The following NPNT variants were observed in gnomAD, a reference collection of about 807,000 sequenced individuals.
The protein encoded by NPNT is preosteoblast EGF-like repeat protein with MAM domain.
Under a neutral mutation model 68.6 loss-of-function variants are expected in NPNT, and 45 were observed. That is an observed-to-expected ratio of 0.66 (90% CI 0.52 to 0.84). The LOEUF is 0.84. Among genes scored for constraint, NPNT ranks in the 40% least tolerant of loss-of-function variants. NPNT has a pLI of 0.00. For synonymous variants in NPNT, 233 were observed against 253.3 expected (o/e 0.92, Z 0.76); for missense variants, 672 against 714.8 (o/e 0.94, Z 0.68).
intron 10 of NPNT, among the ~76,000 whole-genome samples, chr4:105,964,323 C>T (rs1731954810): frequency 6.6e-6 from 1 of 152,152 alleles, no homozygotes; most frequent in South Asian, 2.1e-4. Context: ...TGTTTCAAGA[C>T]TTTAGGTAGT....
chr4:105,970,111 T>C lies in NPNT; in HGVS notation c.*1121T>C, dbSNP rs1196262551. The C allele has an allele frequency of 1.6e-5, 6 of 365,520 alleles. No individual in the cohort carries two copies. The highest frequency in any genetic ancestry group is 3.0e-5 in the Non-Finnish European group (6 of 200,258). 22.6% of individuals were successfully genotyped at this position (365,520 alleles called of 1,614,324 possible). On this transcript the variant is annotated 3_prime_UTR_variant, in exon 12 of 12. Coordinates refer to ENST00000379987, the MANE Select transcript of NPNT (RefSeq NM_001033047.3). ...TGATATAAGTTTAGGCAGTTGTAGT[T>C]CATAACTTATGTTGCTCATGTTGTG...
intron 8 of NPNT, among the ~76,000 whole-genome samples, chr4:105,946,156 A>G (rs1163000408): frequency 2.0e-5 from 3 of 152,212 alleles, no homozygotes; most frequent in Non-Finnish European, 2.9e-5. Context: ...CCTTAAAACA[A>G]TGTTTCCTGT....
chr4:105,967,235 G>C lies in NPNT; in HGVS notation c.1393G>C (p.Ala465Pro), dbSNP rs772407127. The C allele has an allele frequency of 1.9e-5, 30 of 1,613,878 alleles. No individual in the cohort carries two copies. The highest frequency in any genetic ancestry group is 2.3e-5 in the Non-Finnish European group (27 of 1,180,006). The change falls in exon 11 of 12, where the codon GCT (alanine) becomes CCT (proline). Residue 465 changes from alanine (A) to proline (P), a missense_variant. By Grantham distance (27) the Ala-to-Pro change is conservative. Transcript: ENST00000379987. ...VSAAKAPGGKAARLVLPLGRL... is the reference protein window; with the variant it reads ...VSAAKAPGGKPARLVLPLGRL... ...GGCAGCCAAAGCCCCAGGGGGAAAA[G>C]CTGCACGCTTGGTGCTACCTCTCGG...
At chr4:105,957,550 T>C (rs1731335636) in intron 8 of NPNT, among the ~76,000 whole-genome samples, 1 of 152,198 alleles carries the variant, frequency 6.6e-6, no homozygotes, top group Admixed American at 6.5e-5. Context: ...TAAACACTTA[T>C]TGAGTGCCTG....
At chr4:105,960,924 A>G (rs1190350085) in intron 10 of NPNT, among the ~76,000 whole-genome samples, 1 of 152,216 alleles carries the variant, frequency 6.6e-6, no homozygotes, top group Non-Finnish European at 1.5e-5. Flanking sequence ...TTTGAAAACC[A>G]TCCCCAACAG....
chr4:105,961,075 T>C (rs1467443857), intron 10 of NPNT, among the ~76,000 whole-genome samples: 1 of 152,240 alleles, frequency 6.6e-6, no homozygotes, highest in Admixed American at 6.5e-5. Context: ...ATATTGTCTT[T>C]ATTTCACAAA....
intron 1 of NPNT, among the ~76,000 whole-genome samples, chr4:105,897,263 C>A (rs926497917): frequency 3.3e-5 from 5 of 152,184 alleles, no homozygotes; most frequent in African/African-American, 4.8e-5. Context: ...GATCTAAGCA[C>A]GTTTCAAACC....
chr4:105,940,623 A>T lies in NPNT; in HGVS notation c.750A>T (p.Gly250=). Residue 250 remains glycine (G), a synonymous_variant, in exon 7 of 12, where the codon GGA becomes GGT. Coordinates refer to ENST00000379987, the MANE Select transcript of NPNT (RefSeq NM_001033047.3). ...GTAAAGAAGGATACCAGGGTGATGG[A>T]CTGACTTGTGTGTGTGAGTAGCACT... ...CKCKEGYQGD[G]LTCVYIPKVM... The T allele has an allele frequency of 1.2e-6, 2 of 1,613,374 alleles. No individual in the cohort carries two copies. Among genetic ancestry groups the T allele is most frequent in the Admixed American group, 3.3e-5 (2 of 59,976 alleles).
Position 105,971,298 on chromosome 4 carries a change from A to G in NPNT, c.*2308A>G, listed in dbSNP as rs1732550285. 1 of 349,032 alleles carries G rather than the reference A, an allele frequency of 2.9e-6. No individual in the cohort carries two copies. Among genetic ancestry groups the G allele is most frequent in the Admixed American group, 3.3e-5 (1 of 30,430 alleles). The allele number at this position is 349,032 out of a possible 1,614,324, so 21.6% of individuals were successfully genotyped here. Reference sequence around the variant, plus strand: ...TGGACTCTCCCAGGTTCCACAGAACAGTAATATTTTTTGAACAATAGGTAC... The same window carrying G: ...TGGACTCTCCCAGGTTCCACAGAACGGTAATATTTTTTGAACAATAGGTAC... On this transcript the variant is annotated 3_prime_UTR_variant, in exon 12 of 12. Transcript: ENST00000379987.
At chr4:105,898,030 C>A in intron 2 of NPNT, 29 bp downstream of exon 2, 1 of 1,462,876 alleles carries the variant, frequency 6.8e-7, no homozygotes, top group Admixed American at 2.1e-5. Context: ...GACTTCAGTT[C>A]CCTGGGAGGT....
chr4:105,941,791 C>T (rs1729976150), intron 7 of NPNT, among the ~76,000 whole-genome samples: 1 of 152,094 alleles, frequency 6.6e-6, no homozygotes, highest in Non-Finnish European at 1.5e-5. Context: ...TTTACTCAAG[C>T]TGTATTTATG....
chr4:105,929,930 A>C (rs937273420), intron 3 of NPNT, among the ~76,000 whole-genome samples: 1 of 152,196 alleles, frequency 6.6e-6, no homozygotes, highest in African/African-American at 2.4e-5. Context: ...TTCTCTAAAG[A>C]AAAAATCGAA....
intron 10 of NPNT, among the ~76,000 whole-genome samples, chr4:105,966,009 A>G (rs1021359064): frequency 2.2e-4 from 21 of 96,092 alleles, no homozygotes; most frequent in Admixed American, 1.0e-3. Flanking sequence ...CTCCGACGGG[A>G]CTTGTTAGAG....
At chr4:105,898,245 TC>T (rs919153004) in intron 2 of NPNT, 2 of 358,990 alleles carry the variant, frequency 5.6e-6, no homozygotes. Flanking sequence ...TTAGCATTTT[TC>T]CCCCCAAATC....
intron 2 of NPNT, among the ~76,000 whole-genome samples, chr4:105,924,516 A>G (rs1466947070): frequency 6.6e-6 from 1 of 152,180 alleles, no homozygotes; most frequent in African/African-American, 2.4e-5. Context: ...TGAATAGCCT[A>G]TCAGATGGGA....
Position 105,895,616 on chromosome 4 carries a change from G to A in NPNT, c.-37G>A. ...CCCACCACCCCAACCTGTTCCTCGC[G>A]CGCCACTGCGCTGCGCCCCAGGACC... On this transcript the variant is annotated 5_prime_UTR_variant, in exon 1 of 12. Coordinates refer to ENST00000379987, the MANE Select transcript of NPNT (RefSeq NM_001033047.3). 1 of 1,536,676 alleles carries A rather than the reference G, an allele frequency of 6.5e-7. No individual in the cohort carries two copies.
At chr4:105,899,193 A>T (rs1726202125) in intron 2 of NPNT, among the ~76,000 whole-genome samples, 1 of 152,232 alleles carries the variant, frequency 6.6e-6, no homozygotes, top group Non-Finnish European at 1.5e-5. Flanking sequence ...CTAATTGCAC[A>T]TAAAGACCAC....
Position 105,942,376 on chromosome 4 carries a change from A to G in NPNT, c.833A>G (p.Lys278Arg). Residue 278 changes from lysine (K) to arginine (R), a missense_variant, in exon 8 of 12, where the codon AAG becomes AGG. Coordinates refer to ENST00000379987, the MANE Select transcript of NPNT (RefSeq NM_001033047.3). ...CCAAAGGGAAATGGTACCATTTTAA[A>G]GGGTGACACAGGAAATAATAATTGG... ...HVPKGNGTIL[K>R]GDTGNNNWIP... 1.9e-6 allele frequency: 3 copies of G among 1,613,622 alleles called. No individual in the cohort carries two copies. Among genetic ancestry groups the G allele is most frequent in the Non-Finnish European group, 2.5e-6 (3 of 1,179,648 alleles).
intron 2 of NPNT, among the ~76,000 whole-genome samples, chr4:105,911,282 ATAGT>A (rs1269955653): frequency 1.2e-4 from 19 of 152,142 alleles, no homozygotes; most frequent in Non-Finnish European, 2.4e-4. Context: ...TTCTGGATCA[ATAGT>A]TAAATTATTG....
Sources: gnomAD v4.1 joint callset for allele counts (sites outside exome capture counted in the v4.1 genomes callset) on GRCh38, gnomAD v4.1.1 for gene constraint, MANE v1.5 for transcripts, NCBI Gene and HGNC (gene_info 2026-07-23, HGNC 2026-07-21) for gene names.